UVRAG: variants seen among roughly 807,000 people sequenced by gnomAD.
UVRAG encodes UV radiation resistance associated, also known as UV radiation resistance-associated gene protein.
A neutral mutation model predicts 78.0 loss-of-function variants in UVRAG; 19 were observed. The observed-to-expected ratio is 0.24, with a 90% confidence interval of 0.17 to 0.36. UVRAG has a LOEUF of 0.36. UVRAG is among the 10% of genes least tolerant of loss of function. The pLI is 1.00. For synonymous variants in UVRAG, 323 were observed against 324.6 expected (o/e 1.00, Z 0.05); for missense variants, 740 against 853.8 (o/e 0.87, Z 1.66).
intron 13 of UVRAG, among the ~76,000 whole-genome samples, chr11:76,076,347 G>A (rs1951403918): frequency 6.6e-6 from 1 of 152,230 alleles, no homozygotes; most frequent in African/African-American, 2.4e-5. Context: ...CATGGTAGAA[G>A]GCAAAGTAGA....
intron 13 of UVRAG, among the ~76,000 whole-genome samples, chr11:76,102,554 C>A (rs2134446433): frequency 6.6e-6 from 1 of 152,154 alleles, no homozygotes; most frequent in Non-Finnish European, 1.5e-5. Context: ...TTAGGATGCC[C>A]TTTATTTATT....
At chr11:75,976,816 C>T (rs1374560647) in intron 7 of UVRAG, among the ~76,000 whole-genome samples, 1 of 152,062 alleles carries the variant, frequency 6.6e-6, no homozygotes, top group African/African-American at 2.4e-5. Context: ...TTCAAAAAAC[C>T]AGCTCCTGGA....
At chr11:76,037,429 G>T (rs116872304) in intron 12 of UVRAG, among the ~76,000 whole-genome samples, 1 of 151,594 alleles carries the variant, frequency 6.6e-6, no homozygotes, top group Admixed American at 6.6e-5. Flanking sequence ...TCAGCAGGGC[G>T]CAGTGGCTCA....
At chr11:76,140,610 T>C (rs1027353162) in intron 14 of UVRAG, 101 bp from the exon 15 acceptor site, 2 of 1,150,752 alleles carry the variant, frequency 1.7e-6, no homozygotes, top group African/African-American at 1.5e-5. Flanking sequence ...TCTATTTTTA[T>C]TAGCTCAGAC....
chr11:76,040,331 G>T (rs960230268), intron 12 of UVRAG, among the ~76,000 whole-genome samples: 8 of 151,672 alleles, frequency 5.3e-5, no homozygotes, highest in Non-Finnish European at 1.2e-4. Context: ...AAATTAGCCG[G>T]GCATGGTGGC....
chr11:76,067,140 T>A (rs574006761), intron 13 of UVRAG, among the ~76,000 whole-genome samples: 81 of 152,272 alleles, frequency 5.3e-4, no homozygotes, highest in Non-Finnish European at 9.7e-4. Flanking sequence ...CTTCTGAAAT[T>A]GGGTCAGATT....
intron 6 of UVRAG, among the ~76,000 whole-genome samples, chr11:75,914,764 G>A (rs1947815181): frequency 6.6e-6 from 1 of 152,074 alleles, no homozygotes; most frequent in South Asian, 2.1e-4. Flanking sequence ...AAAGTGCTGG[G>A]ATTACAGGCG....
chr11:76,018,202 CT>C (rs982241433), intron 12 of UVRAG, among the ~76,000 whole-genome samples: 7 of 150,270 alleles, frequency 4.7e-5, no homozygotes, highest in Admixed American at 6.7e-5. Flanking sequence ...TTGTACTTTT[CT>C]TTTTTTTTGC....
At chr11:75,953,517 C>G (rs1948742603) in intron 6 of UVRAG, among the ~76,000 whole-genome samples, 1 of 152,136 alleles carries the variant, frequency 6.6e-6, no homozygotes, top group African/African-American at 2.4e-5. Flanking sequence ...AACTATACTT[C>G]ACTGCCTTTG....
chr11:76,065,616 T>G, intron 12 of UVRAG, 94 bp from the exon 13 acceptor site: 6 of 1,052,122 alleles, frequency 5.7e-6, no homozygotes, highest in Non-Finnish European at 4.4e-6. Context: ...CAGATGTTTA[T>G]GCTGTATCTA....
intron 5 of UVRAG, 87 bp from the exon 6 acceptor site, chr11:75,911,867 A>C: frequency 1.1e-6 from 1 of 926,330 alleles, no homozygotes; most frequent in Non-Finnish European, 1.7e-6. Context: ...TTAATATGTC[A>C]TATTTTTAAA....
In UVRAG at chr11:76,007,587, T is replaced by A; in HGVS notation, c.965T>A (p.Leu322His). ...TTGACAATTCGTTGCAGGCAGTTAC[T>A]CTCTGAGCTTTCCTACATTTACCCT... is the stretch of plus-strand genomic sequence containing the variant. ...AQLTIRCRQL[L>H]SELSYIYPID... is the part of the protein sequence containing the mutation. Residue 322 changes from leucine (L) to histidine (H), a missense_variant, in exon 10 of 15, where the codon CTC becomes CAC. Coordinates refer to ENST00000356136, the MANE Select transcript of UVRAG (RefSeq NM_003369.4). The A allele has an allele frequency of 6.2e-7, 1 of 1,614,002 alleles. No homozygotes were observed. Among genetic ancestry groups the A allele is most frequent in the South Asian group, 1.1e-5 (1 of 91,078 alleles).
chr11:76,062,430 CTG>C (rs1565143901), intron 12 of UVRAG, among the ~76,000 whole-genome samples: 1 of 152,262 alleles, frequency 6.6e-6, no homozygotes, highest in South Asian at 2.1e-4. Context: ...TTGAATAACT[CTG>C]TAGTGAAATC....
chr11:75,913,961 G>A (rs555026347), intron 6 of UVRAG, among the ~76,000 whole-genome samples: 102 of 152,282 alleles, frequency 6.7e-4, no homozygotes, highest in African/African-American at 2.4e-3. Flanking sequence ...AATTTGAACT[G>A]CCTTATTAAC....
intron 6 of UVRAG, among the ~76,000 whole-genome samples, chr11:75,957,461 T>C: frequency 6.6e-6 from 1 of 152,084 alleles, no homozygotes; most frequent in East Asian, 1.9e-4. Flanking sequence ...GTCTTAATTA[T>C]GTAACTTAAT....
intron 7 of UVRAG, among the ~76,000 whole-genome samples, chr11:75,972,854 A>G (rs572858224): frequency 6.6e-6 from 1 of 152,306 alleles, no homozygotes; most frequent in South Asian, 2.1e-4. Context: ...GAAGACATCT[A>G]ACTTTTTATA....
At chr11:75,828,780 C>CATATATAT (rs71036067) in intron 1 of UVRAG, among the ~76,000 whole-genome samples, 8 of 92,848 alleles carry the variant, frequency 8.6e-5, no homozygotes, top group Non-Finnish European at 1.2e-4. Context: ...TATATACACA[C>CATATATAT]ATATATATAT....
intron 3 of UVRAG, among the ~76,000 whole-genome samples, chr11:75,867,939 G>A (rs7109363): frequency 0.067 from 10,260 of 152,216 alleles, 494 homozygotes; most frequent in African/African-American, 0.14. Flanking sequence ...AAGGGTGTGC[G>A]TGTAGATACA....
chr11:75,969,210 T>A (rs550173983), intron 7 of UVRAG, among the ~76,000 whole-genome samples: 4 of 152,198 alleles, frequency 2.6e-5, no homozygotes, highest in Non-Finnish European at 5.9e-5. Flanking sequence ...GACTGTACTC[T>A]GAGTAACTCA....
Sources: gnomAD v4.1 joint callset for allele counts (sites outside exome capture counted in the v4.1 genomes callset) on GRCh38, gnomAD v4.1.1 for gene constraint, MANE v1.5 for transcripts, NCBI Gene and HGNC (gene_info 2026-07-23, HGNC 2026-07-21) for gene names.